Variants in MFHAS1 observed in about 807,000 individuals in gnomAD.
The protein encoded by MFHAS1 is malignant fibrous histiocytoma-amplified sequence 1.
MFHAS1 carries 50 observed loss-of-function variants against 70.4 expected under a neutral mutation model. The observed-to-expected ratio is 0.71, with a 90% CI of 0.57 to 0.90. MFHAS1 has a LOEUF of 0.90. Ranked by LOEUF, MFHAS1 falls within the 40% of genes least tolerant of loss-of-function variation. The pLI, the probability that MFHAS1 is intolerant of heterozygous loss-of-function variation, is 0.00. For synonymous variants in MFHAS1, 952 were observed against 620.0 expected, an observed-to-expected ratio of 1.54 and a Z score of -7.96; for missense variants, 1,795 against 1,347.6, an observed-to-expected ratio of 1.33 and a Z score of -5.20.
intron 1 of MFHAS1, among the ~76,000 whole-genome samples, chr8:8,882,132 G>A (rs1472368739): frequency 6.6e-6 from 1 of 152,048 alleles, no homozygotes; most frequent in Non-Finnish European, 1.5e-5. Context: ...TGTAATCCCA[G>A]CACTCTGGGA....
At chr8:8,853,466 T>TTA (rs1451019405) in intron 1 of MFHAS1, among the ~76,000 whole-genome samples, 14 of 120,184 alleles carry the variant, frequency 1.2e-4, no homozygotes, top group African/African-American at 4.1e-4. Flanking sequence ...TGCTCATTCT[T>TTA]AAAAAAAAAA....
intron 1 of MFHAS1, among the ~76,000 whole-genome samples, chr8:8,809,481 G>C (rs9329168): frequency 0.14 from 20,851 of 151,984 alleles, 2,200 homozygotes; most frequent in African/African-American, 0.29. Context: ...CCCTAAAAAG[G>C]TCTGACACCA....
chr8:8,851,025 TCTC>T (rs1479984497), intron 1 of MFHAS1, among the ~76,000 whole-genome samples: 2 of 152,114 alleles, frequency 1.3e-5, no homozygotes, highest in African/African-American at 4.8e-5. Context: ...CCTTAGTGAA[TCTC>T]CTCGACTTTA....
chr8:8,792,462 T>C (rs11987924), intron 2 of MFHAS1, among the ~76,000 whole-genome samples: 47,459 of 151,856 alleles, frequency 0.31, 8,477 homozygotes, highest in African/African-American at 0.47. Flanking sequence ...AAAAATTAGC[T>C]AGGTGCAGTG....
chr8:8,849,847 T>A (rs1223708055), intron 1 of MFHAS1, among the ~76,000 whole-genome samples: 2 of 152,246 alleles, frequency 1.3e-5, no homozygotes. Flanking sequence ...AAAGCCCTAA[T>A]TGCCTGGTAT....
intron 1 of MFHAS1, among the ~76,000 whole-genome samples, chr8:8,814,115 T>A (rs1806648586): frequency 6.6e-6 from 1 of 152,062 alleles, no homozygotes; most frequent in African/African-American, 2.4e-5. Context: ...TTTTTGTATT[T>A]TTAGTAGAGA....
chr8:8,825,170 G>T (rs145235872), intron 1 of MFHAS1, among the ~76,000 whole-genome samples: 134 of 152,228 alleles, frequency 8.8e-4, no homozygotes, highest in Middle Eastern at 3.4e-3. Context: ...AAAGAAAAGG[G>T]TTGCGGTTTT....
In MFHAS1 at chr8:8,890,812, C is replaced by A; in HGVS notation, c.2247G>T (p.Leu749=). ...VFFQRDPSLL[L]HKLLLGTSGE... is the part of the protein sequence containing the mutation. ...CACTGGTCCCTAGGAGCAGCTTATG[C>A]AGCAGCAAAGAGGGATCCCTCTGGA... The change falls in exon 1 of 3, where the codon CTG becomes CTT. Residue 749 remains leucine, a synonymous_variant. Coordinates refer to ENST00000276282, the MANE Select transcript of MFHAS1 (RefSeq NM_004225.3). 6.2e-7 allele frequency: 1 copy of A among 1,614,192 alleles called. No individual in the cohort carries two copies. The highest frequency in any genetic ancestry group is 8.5e-7 in the Non-Finnish European group (1 of 1,180,038).
intron 1 of MFHAS1, among the ~76,000 whole-genome samples, chr8:8,835,380 C>G (rs1807561481): frequency 6.6e-6 from 1 of 152,166 alleles, no homozygotes; most frequent in Non-Finnish European, 1.5e-5. Flanking sequence ...GGGTCTTGAG[C>G]ATCTTTCTAG....
chr8:8,880,188 C>A (rs1169174592), intron 1 of MFHAS1, among the ~76,000 whole-genome samples: 2 of 152,122 alleles, frequency 1.3e-5, no homozygotes, highest in Admixed American at 6.6e-5. Flanking sequence ...CCAGGCCTAG[C>A]CCCAAAACCC....
chr8:8,871,144 T>C (rs1809060745), intron 1 of MFHAS1, among the ~76,000 whole-genome samples: 1 of 152,196 alleles, frequency 6.6e-6, no homozygotes, highest in African/African-American at 2.4e-5. Context: ...CTCTGCTACA[T>C]GCTGTGTGCC....
intron 1 of MFHAS1, among the ~76,000 whole-genome samples, chr8:8,800,899 G>A (rs1217218338): frequency 6.6e-6 from 1 of 152,054 alleles, no homozygotes; most frequent in East Asian, 1.9e-4. Flanking sequence ...AGCTTTCGGT[G>A]GTCAGATCAT....
chr8:8,802,496 A>G (rs1173871941), intron 1 of MFHAS1, among the ~76,000 whole-genome samples: 2 of 152,230 alleles, frequency 1.3e-5, no homozygotes, highest in Admixed American at 6.5e-5. Context: ...AGAAGACACC[A>G]TATGTGAATG....
At chr8:8,853,836 G>C (rs1219797474) in intron 1 of MFHAS1, among the ~76,000 whole-genome samples, 2 of 152,112 alleles carry the variant, frequency 1.3e-5, no homozygotes, top group Non-Finnish European at 2.9e-5. Flanking sequence ...AAAGTACTAG[G>C]AGCCACCACC....
chr8:8,871,267 C>T (rs1273720402), intron 1 of MFHAS1, among the ~76,000 whole-genome samples: 1 of 152,144 alleles, frequency 6.6e-6, no homozygotes, highest in South Asian at 2.1e-4. Context: ...AAACTACTTG[C>T]AGCTGGGCGT....
rs143430633 is a variant in MFHAS1, at chr8:8,890,179, G to A, written c.2880C>T (p.Thr960=). The change falls in exon 1 of 3, where the codon ACC becomes ACT. Residue 960 remains threonine (T), a synonymous_variant. Coordinates refer to ENST00000276282, the MANE Select transcript of MFHAS1 (RefSeq NM_004225.3). ...GGACATTCAGTTCCTCCACCAAGGG[G>A]GTTATGGCTTGCCATGCGGTCCATA... ...PNIWTAWQAI[T]PLVEELNVLL... is the part of the protein sequence containing the mutation. The A allele has an allele frequency of 2.8e-5, 45 of 1,614,058 alleles. No homozygotes were observed. In the African/African-American group the frequency reaches 5.6e-4, roughly 20 times the overall value.
At chr8:8,851,778 C>G (rs886980124) in intron 1 of MFHAS1, among the ~76,000 whole-genome samples, 3 of 152,120 alleles carry the variant, frequency 2.0e-5, no homozygotes, top group Non-Finnish European at 4.4e-5. Flanking sequence ...AACCAAAACA[C>G]TTAAAGTAAT....
Position 8,785,841 on chromosome 8 carries a change from TC to T in MFHAS1, c.*180del. 2 of 549,548 alleles carry T rather than the reference TC, an allele frequency of 3.6e-6. No homozygotes were observed. Among genetic ancestry groups the T allele is most frequent in the South Asian group, 2.2e-5 (1 of 46,320 alleles). The allele number at this position is 549,548 out of a possible 1,614,324, so 34.0% of individuals were successfully genotyped here. ...TTTGCTCCATGTTCTCGTCCATGCT[TC>T]CCCCCACCACCCCCTCCCCACCTCT... On this transcript the variant is annotated 3_prime_UTR_variant, in exon 3 of 3. Transcript: ENST00000276282.
chr8:8,793,000 G>C (rs958405349), intron 2 of MFHAS1, among the ~76,000 whole-genome samples: 2 of 152,144 alleles, frequency 1.3e-5, no homozygotes, highest in Non-Finnish European at 2.9e-5. Flanking sequence ...ATTTCTATCT[G>C]ATAATCAGCA....
Sources: allele counts gnomAD v4.1 joint callset (sites outside exome capture counted in the v4.1 genomes callset), GRCh38; gene constraint gnomAD v4.1.1; transcripts MANE v1.5; gene names NCBI Gene and HGNC (gene_info 2026-07-23, HGNC 2026-07-21).